PRKAR1B: variants seen among roughly 807,000 people sequenced by gnomAD.
The protein encoded by PRKAR1B is cAMP-dependent protein kinase type I-beta regulatory subunit.
PRKAR1B carries 22 observed loss-of-function variants against 46.5 expected under a neutral mutation model. The observed-to-expected ratio is 0.47, with a 90% CI of 0.34 to 0.68. The LOEUF (loss-of-function observed/expected upper bound fraction) is 0.68, where lower values mean the gene tolerates loss of function less well. Ranked by LOEUF, PRKAR1B falls within the 30% of genes least tolerant of loss-of-function variation. The probability of loss-of-function intolerance (pLI) is 0.01; values close to 1 mark genes in which losing one functional copy is unlikely to be tolerated. For missense variants in PRKAR1B, 445 were observed against 535.6 expected (o/e 0.83, Z 1.67); for synonymous variants, 259 against 217.7 (o/e 1.19, Z -1.67).
intron 9 of PRKAR1B, among the ~76,000 whole-genome samples, chr7:556,662 G>C (rs934283894): frequency 1.3e-5 from 2 of 152,206 alleles, no homozygotes; most frequent in South Asian, 4.1e-4. Flanking sequence ...CTGGACAGGA[G>C]GGGCCGAGGC....
At position 711,513 on chromosome 7, in the gene PRKAR1B, G is replaced by A. The variant is rs768743391; in HGVS notation, c.-8C>T. On this transcript the variant is annotated 5_prime_UTR_variant, in exon 2 of 11. Transcript: ENST00000537384. The stretch of plus-strand genomic sequence containing the variant: ...GGCGGGCGGGGAGGCCATGGCGAGG[G>A]TGGCTGCTTCCTTCCTGTCCAGAAA... 79 of 1,612,254 alleles carry A rather than the reference G, an allele frequency of 4.9e-5. No individual in the cohort carries two copies. Among genetic ancestry groups the A allele is most frequent in the Non-Finnish European group, 6.7e-5 (79 of 1,179,214 alleles).
At chr7:585,417 C>T (rs1317075417) in intron 7 of PRKAR1B, among the ~76,000 whole-genome samples, 1 of 152,202 alleles carries the variant, frequency 6.6e-6, no homozygotes, top group Non-Finnish European at 1.5e-5. Flanking sequence ...ATTCCAAAAA[C>T]AGAGACACAG....
At chr7:616,750 C>T (rs1356051777) in intron 4 of PRKAR1B, among the ~76,000 whole-genome samples, 9 of 152,182 alleles carry the variant, frequency 5.9e-5, no homozygotes, top group South Asian at 2.1e-4. Flanking sequence ...GTCATGCCCG[C>T]GGCATCGATG....
chr7:657,244 AATGGATGGATGAATGGACGGACGG>A (rs1785253463), intron 4 of PRKAR1B, among the ~76,000 whole-genome samples: 1 of 138,404 alleles, frequency 7.2e-6, no homozygotes, highest in Non-Finnish European at 1.6e-5. Flanking sequence ...TGGATAAATG[AATGGATGGATGAATGGACGGACGG>A]ATGGATGGAT....
chr7:555,813 G>T (rs925444680), intron 9 of PRKAR1B, among the ~76,000 whole-genome samples: 1 of 152,216 alleles, frequency 6.6e-6, no homozygotes, highest in Admixed American at 6.5e-5. Flanking sequence ...GTCACCCGTG[G>T]TGGTGGCCAG....
At chr7:697,531 C>A (rs1280529700) in intron 2 of PRKAR1B, among the ~76,000 whole-genome samples, 3 of 152,122 alleles carry the variant, frequency 2.0e-5, no homozygotes, top group Admixed American at 6.5e-5. Flanking sequence ...TTCTGGACCA[C>A]CTCCTCCGAG....
chr7:721,296 A>C (rs978633917), intron 1 of PRKAR1B, among the ~76,000 whole-genome samples: 1 of 152,152 alleles, frequency 6.6e-6, no homozygotes, highest in African/African-American at 2.4e-5. Flanking sequence ...ATTGACTTCT[A>C]TTTTTATCCA....
chr7:587,707 T>A (rs1780678050), intron 7 of PRKAR1B, among the ~76,000 whole-genome samples: 1 of 152,028 alleles, frequency 6.6e-6, no homozygotes, highest in Non-Finnish European at 1.5e-5. Flanking sequence ...GGGGAGGCAG[T>A]CCGCAGCCCT....
At chr7:557,634 G>A (rs907794518) in intron 9 of PRKAR1B, among the ~76,000 whole-genome samples, 11 of 152,156 alleles carry the variant, frequency 7.2e-5, no homozygotes, top group Non-Finnish European at 1.3e-4. Context: ...GCACTCCCAC[G>A]ACATGGGCGG....
chr7:668,058 G>A (rs1397734863), intron 4 of PRKAR1B, among the ~76,000 whole-genome samples: 1 of 152,200 alleles, frequency 6.6e-6, no homozygotes, highest in Non-Finnish European at 1.5e-5. Flanking sequence ...AGCCTGTGAT[G>A]ATGGGGATAT....
At chr7:682,627 C>G (rs905901093) in intron 2 of PRKAR1B, among the ~76,000 whole-genome samples, 1 of 152,036 alleles carries the variant, frequency 6.6e-6, no homozygotes, top group African/African-American at 2.4e-5. Context: ...CACCTGTAGT[C>G]CCAGCTACTC....
intron 4 of PRKAR1B, among the ~76,000 whole-genome samples, chr7:653,156 C>T (rs1249670333): frequency 1.3e-5 from 2 of 152,226 alleles, no homozygotes; most frequent in South Asian, 2.1e-4. Flanking sequence ...AACCCAGCCA[C>T]ACAGCCAGGC....
intron 9 of PRKAR1B, among the ~76,000 whole-genome samples, chr7:564,355 G>T (rs1016697571): frequency 7.9e-5 from 12 of 152,108 alleles, no homozygotes; most frequent in Non-Finnish European, 1.6e-4. Flanking sequence ...CTCAACCTCC[G>T]CCGCCAGCCT....
chr7:588,447 ATGG>A (rs1780725528), intron 7 of PRKAR1B, among the ~76,000 whole-genome samples: 6 of 114,784 alleles, frequency 5.2e-5, no homozygotes, highest in East Asian at 2.5e-4. Flanking sequence ...GACAGTGGTG[ATGG>A]TGATGGTGAT....
At chr7:578,616 T>A (rs1419940410) in intron 9 of PRKAR1B, among the ~76,000 whole-genome samples, 1 of 151,000 alleles carries the variant, frequency 6.6e-6, no homozygotes, top group Non-Finnish European at 1.5e-5. Context: ...CCCACCCCAC[T>A]CCCTCCTCAG....
At chr7:724,649 A>G (rs1781185792) in intron 1 of PRKAR1B, among the ~76,000 whole-genome samples, 1 of 152,226 alleles carries the variant, frequency 6.6e-6, no homozygotes, top group Non-Finnish European at 1.5e-5. Context: ...CTCTGCTACC[A>G]TTTGTTCAGG....
rs985913521 is a variant in PRKAR1B, at chr7:691,893, A to G, written c.178-11167T>C. 9.8e-6 allele frequency: 11 copies of G among 1,126,408 alleles called. No individual in the cohort carries two copies. In the African/African-American group the frequency reaches 1.8e-4, roughly 18 times the overall value. The allele number at this position is 1,126,408 out of a possible 1,614,324, so 69.8% of individuals were successfully genotyped here. A position where few individuals can be genotyped will look rare whatever the true frequency, so the allele number is the denominator to read the frequency against. ...ATCTCACAATCTCTCAGAATGGCACAGACGCCTCCCTGGAGCTGCGAGTCC... is the reference window on the plus strand; with the variant it reads ...ATCTCACAATCTCTCAGAATGGCACGGACGCCTCCCTGGAGCTGCGAGTCC... On this transcript the variant is annotated intron_variant, in intron 2 of 10. Coordinates refer to ENST00000537384, the MANE Select transcript of PRKAR1B (RefSeq NM_001164760.2).
intron 9 of PRKAR1B, among the ~76,000 whole-genome samples, chr7:573,468 G>C (rs142856275): frequency 6.6e-6 from 1 of 152,016 alleles, no homozygotes; most frequent in East Asian, 2.0e-4. Flanking sequence ...GCAGGAGCGC[G>C]TGGGGGCTCC....
intron 9 of PRKAR1B, among the ~76,000 whole-genome samples, chr7:565,812 G>A (rs1779092053): frequency 6.6e-6 from 1 of 152,126 alleles, no homozygotes; most frequent in Admixed American, 6.5e-5. Flanking sequence ...GGTGGCTAAG[G>A]ACATGCTACC....
Sources: allele counts gnomAD v4.1 joint callset (sites outside exome capture counted in the v4.1 genomes callset), GRCh38; gene constraint gnomAD v4.1.1; transcripts MANE v1.5; gene names NCBI Gene and HGNC (gene_info 2026-07-23, HGNC 2026-07-21).